MTUS2: variants seen among roughly 807,000 people sequenced by gnomAD.
MTUS2 encodes the protein microtubule associated scaffold protein 2, also known as microtubule-associated tumor suppressor candidate 2.
MTUS2 carries 40 observed loss-of-function variants against 114.1 expected under a neutral mutation model. The ratio of observed to expected loss-of-function variants is 0.35; its 90% CI spans 0.27 to 0.46. The LOEUF is 0.46. Among genes scored for constraint, MTUS2 ranks in the 20% least tolerant of loss-of-function variants. The pLI, the probability that MTUS2 is intolerant of heterozygous loss-of-function variation, is 1.00. For synonymous variants in MTUS2, 688 were observed against 672.0 expected (o/e 1.02, Z -0.37); for missense variants, 1,679 against 1,705.4 (o/e 0.98, Z 0.27).
At chr13:29,176,677 G>A (rs766987097) in intron 5 of MTUS2, among the ~76,000 whole-genome samples, 2 of 152,096 alleles carry the variant, frequency 1.3e-5, no homozygotes, top group Non-Finnish European at 2.9e-5. Flanking sequence ...TCCCTTTCAC[G>A]AGGGCTCCAC....
intron 9 of MTUS2, among the ~76,000 whole-genome samples, chr13:29,453,869 AT>A (rs1489013786): frequency 2.0e-5 from 3 of 152,210 alleles, no homozygotes; most frequent in Non-Finnish European, 2.9e-5. Flanking sequence ...TTCTTGGCAG[AT>A]TTTTTTAACA....
intron 7 of MTUS2, among the ~76,000 whole-genome samples, chr13:29,335,564 G>A (rs929136829): frequency 2.4e-4 from 37 of 152,180 alleles, no homozygotes; most frequent in Admixed American, 5.2e-4. Flanking sequence ...CTGGTTTTGC[G>A]GCTTGGGGGG....
At chr13:29,499,128 G>T (rs930118625) in intron 14 of MTUS2, among the ~76,000 whole-genome samples, 17 of 152,342 alleles carry the variant, frequency 1.1e-4, no homozygotes, top group Middle Eastern at 3.4e-3. Context: ...CACTTTGGGG[G>T]TTAGGTTTCA....
intron 5 of MTUS2, among the ~76,000 whole-genome samples, chr13:29,178,019 G>A (rs2139145117): frequency 6.6e-6 from 1 of 152,262 alleles, no homozygotes; most frequent in East Asian, 1.9e-4. Context: ...CACATAAAAT[G>A]TCAAGTCCTA....
Position 29,034,138 on chromosome 13 carries a change from A to G in MTUS2, c.2446+13A>G. 6.2e-7 allele frequency: 1 copy of G among 1,613,492 alleles called. No individual in the cohort carries two copies. Among genetic ancestry groups the G allele is most frequent in the Non-Finnish European group, 8.5e-7 (1 of 1,179,482 alleles). Reference sequence around the variant, plus strand: ...TCCGATCCTTCAGGTAACCGATCCAACAGTTTCTGCCTTTTCCTGCTGTAC... The same window carrying G: ...TCCGATCCTTCAGGTAACCGATCCAGCAGTTTCTGCCTTTTCCTGCTGTAC... On this transcript the variant is annotated intron_variant, in intron 4 of 15. Coordinates refer to ENST00000612955, the MANE Select transcript of MTUS2 (RefSeq NM_001033602.4).
At chr13:29,461,018 T>C (rs1380196687) in intron 9 of MTUS2, among the ~76,000 whole-genome samples, 1 of 152,204 alleles carries the variant, frequency 6.6e-6, no homozygotes, top group African/African-American at 2.4e-5. Flanking sequence ...TGTGCTGTTA[T>C]AATAGTGTCT....
chr13:29,228,052 C>T (rs1193489541), intron 5 of MTUS2, among the ~76,000 whole-genome samples: 1 of 151,952 alleles, frequency 6.6e-6, no homozygotes, highest in African/African-American at 2.4e-5. Context: ...CTTTTTCACC[C>T]AGCAATCTTA....
intron 2 of MTUS2, among the ~76,000 whole-genome samples, chr13:29,013,759 T>C (rs536183258): frequency 2.2e-5 from 3 of 138,766 alleles, no homozygotes; most frequent in African/African-American, 7.8e-5. Flanking sequence ...CCTGATACTT[T>C]GTTAAACTAT....
chr13:29,499,807 C>G (rs975366691), intron 14 of MTUS2, among the ~76,000 whole-genome samples: 1 of 152,268 alleles, frequency 6.6e-6, no homozygotes, highest in Non-Finnish European at 1.5e-5. Flanking sequence ...ACCTCTCTCT[C>G]TGGAAGCATC....
intron 5 of MTUS2, among the ~76,000 whole-genome samples, chr13:29,153,212 G>A (rs1892728030): frequency 6.6e-6 from 1 of 152,122 alleles, no homozygotes; most frequent in Admixed American, 6.5e-5. Flanking sequence ...GTGAAGCCCA[G>A]CTTCCTAGCA....
At chr13:29,495,266 G>A (rs1232237414) in intron 12 of MTUS2, among the ~76,000 whole-genome samples, 3 of 142,126 alleles carry the variant, frequency 2.1e-5, no homozygotes, top group Admixed American at 7.4e-5. Flanking sequence ...GCTGAGGCAC[G>A]AGAATCACTT....
chr13:29,319,023 C>T (rs867003594), intron 6 of MTUS2, among the ~76,000 whole-genome samples: 12 of 152,132 alleles, frequency 7.9e-5, no homozygotes, highest in African/African-American at 2.9e-4. Context: ...GCAAAAGCCC[C>T]AGTGCTCTGG....
rs548515648 is a variant in MTUS2, at chr13:28,827,037, A to G, written c.-316+6426A>G. ...AGACAGGCAGTATTTTTCTACACACAAATAATTGTGTTCTCAGGTTGGAAA... is the reference window on the plus strand; with the variant it reads ...AGACAGGCAGTATTTTTCTACACACGAATAATTGTGTTCTCAGGTTGGAAA... On this transcript the variant is annotated intron_variant, in intron 1 of 15. Coordinates refer to ENST00000612955, the MANE Select transcript of MTUS2 (RefSeq NM_001033602.4). 2.0e-5 allele frequency among the ~76,000 whole-genome samples: 3 copies of G among 152,348 alleles called. No individual in the cohort carries two copies. In the East Asian group the frequency reaches 5.8e-4, roughly 29 times the overall value.
At chr13:29,425,226 C>A (rs952066942) in intron 8 of MTUS2, among the ~76,000 whole-genome samples, 2 of 152,010 alleles carry the variant, frequency 1.3e-5, no homozygotes, top group African/African-American at 2.4e-5. Flanking sequence ...CCAGCCTGGC[C>A]AACATGGTGA....
At chr13:29,156,848 T>G (rs1171706464) in intron 5 of MTUS2, among the ~76,000 whole-genome samples, 1 of 152,134 alleles carries the variant, frequency 6.6e-6, no homozygotes, top group African/African-American at 2.4e-5. Context: ...CCCAGTCCAC[T>G]CCCCGACCCC....
chr13:28,823,605 A>G (rs2016279440), intron 1 of MTUS2, among the ~76,000 whole-genome samples: 1 of 152,148 alleles, frequency 6.6e-6, no homozygotes, highest in African/African-American at 2.4e-5. Context: ...CCCTCTTCTC[A>G]ACTGGGCCTC....
chr13:29,070,051 A>G (rs2138682164), intron 4 of MTUS2, among the ~76,000 whole-genome samples: 1 of 152,332 alleles, frequency 6.6e-6, no homozygotes, highest in East Asian at 1.9e-4. Flanking sequence ...GAAGGTGGAC[A>G]GTACTGAGTG....
At chr13:29,131,543 A>G (rs187844270) in intron 5 of MTUS2, among the ~76,000 whole-genome samples, 154 of 152,378 alleles carry the variant, frequency 1.0e-3, no homozygotes, top group African/African-American at 3.5e-3. Context: ...GGCCATGGCA[A>G]TGGTGGGGCA....
At chr13:28,824,024 G>A (rs911288456) in intron 1 of MTUS2, among the ~76,000 whole-genome samples, 2 of 152,064 alleles carry the variant, frequency 1.3e-5, no homozygotes, top group East Asian at 3.9e-4. Context: ...GGGGATTATG[G>A]GAATTATAAT....
Sources: gnomAD v4.1 joint callset for allele counts (sites outside exome capture counted in the v4.1 genomes callset) on GRCh38, gnomAD v4.1.1 for gene constraint, MANE v1.5 for transcripts, NCBI Gene and HGNC (gene_info 2026-07-23, HGNC 2026-07-21) for gene names.